The following MAN2A1 variants were observed in gnomAD, a reference collection of about 807,000 sequenced individuals.
MAN2A1 encodes the protein alpha-mannosidase 2.
In MAN2A1, 76 loss-of-function variants were observed where a neutral mutation model predicts 142.6. That is an observed-to-expected ratio of 0.53 (90% confidence interval 0.44 to 0.65). The LOEUF is 0.65. MAN2A1 is among the 30% of genes least tolerant of loss of function. The pLI is 0.00. For synonymous variants in MAN2A1, 559 were observed against 473.2 expected, an observed-to-expected ratio of 1.18 and a Z score of -2.35; for missense variants, 1,311 against 1,365.1, an observed-to-expected ratio of 0.96 and a Z score of 0.62.
chr5:109,763,212 T>TG (rs908198239), intron 5 of MAN2A1, among the ~76,000 whole-genome samples: 78 of 152,310 alleles, frequency 5.1e-4, no homozygotes, highest in African/African-American at 1.7e-3. Context: ...TGTGGTCTTT[T>TG]GGGGTGTACT....
chr5:109,800,379 T>TAAGACCAACAAGA (rs1753988794), intron 12 of MAN2A1, among the ~76,000 whole-genome samples: 1 of 152,178 alleles, frequency 6.6e-6, no homozygotes, highest in Non-Finnish European at 1.5e-5. Flanking sequence ...GGGTTGGTCT[T>TAAGACCAACAAGA]GTTCATTATT....
At chr5:109,809,356 C>A (rs1464536640) in intron 12 of MAN2A1, among the ~76,000 whole-genome samples, 1 of 152,030 alleles carries the variant, frequency 6.6e-6, no homozygotes, top group African/African-American at 2.4e-5. Flanking sequence ...TTGTGCTCTT[C>A]ATTTTTCCCT....
chr5:109,726,582 G>A (rs1462185373), intron 3 of MAN2A1, among the ~76,000 whole-genome samples: 1 of 152,146 alleles, frequency 6.6e-6, no homozygotes, highest in Admixed American at 6.5e-5. Flanking sequence ...GGTGAATGAA[G>A]TGTTGAAGGC....
At chr5:109,849,465 C>A (rs191947166) in intron 19 of MAN2A1, among the ~76,000 whole-genome samples, 1 of 152,346 alleles carries the variant, frequency 6.6e-6, no homozygotes. Flanking sequence ...GCCATCCATA[C>A]AACTCCAAGA....
chr5:109,839,396 A>G (rs1050633749), intron 16 of MAN2A1, among the ~76,000 whole-genome samples: 58 of 152,004 alleles, frequency 3.8e-4, no homozygotes, highest in African/African-American at 1.3e-3. Flanking sequence ...CAACTTCCCA[A>G]TAGTGGTGGA....
At chr5:109,840,962 C>T (rs552317897) in intron 16 of MAN2A1, among the ~76,000 whole-genome samples, 5 of 152,286 alleles carry the variant, frequency 3.3e-5, no homozygotes, top group African/African-American at 1.2e-4. Context: ...TCTGGGGATT[C>T]TACTTGTGTC....
intron 13 of MAN2A1, 38 bp downstream of exon 13, chr5:109,817,476 A>G: frequency 6.3e-7 from 1 of 1,597,126 alleles, no homozygotes; most frequent in Non-Finnish European, 8.6e-7. Flanking sequence ...GGCATTGTAA[A>G]ACAAACCTAG....
intron 1 of MAN2A1, among the ~76,000 whole-genome samples, chr5:109,712,827 G>C (rs1751340170): frequency 6.6e-6 from 1 of 152,180 alleles, no homozygotes; most frequent in Non-Finnish European, 1.5e-5. Flanking sequence ...GGATATAGGG[G>C]TGAACAAGGT....
intron 4 of MAN2A1, among the ~76,000 whole-genome samples, chr5:109,735,899 TC>T (rs1554074543): frequency 6.7e-6 from 1 of 148,500 alleles, no homozygotes; most frequent in African/African-American, 2.5e-5. Context: ...TTTTTTTTTT[TC>T]CCTCTTGATA....
At chr5:109,853,098 C>G (rs762293529) in intron 19 of MAN2A1, among the ~76,000 whole-genome samples, 1 of 152,122 alleles carries the variant, frequency 6.6e-6, no homozygotes, top group Non-Finnish European at 1.5e-5. Flanking sequence ...GACATTGTTT[C>G]CTTTTAGAAG....
intron 4 of MAN2A1, among the ~76,000 whole-genome samples, chr5:109,736,713 T>C (rs911563516): frequency 6.6e-6 from 1 of 152,192 alleles, no homozygotes; most frequent in Non-Finnish European, 1.5e-5. Context: ...TTTGATTTAC[T>C]TAATTTTGTT....
intron 17 of MAN2A1, among the ~76,000 whole-genome samples, chr5:109,843,501 A>G (rs1246034241): frequency 1.3e-5 from 2 of 152,162 alleles, no homozygotes; most frequent in East Asian, 1.9e-4. Flanking sequence ...ATCCATACCT[A>G]TTAAGTTTGT....
At chr5:109,713,227 A>G (rs1487983239) in intron 1 of MAN2A1, among the ~76,000 whole-genome samples, 1 of 152,170 alleles carries the variant, frequency 6.6e-6, no homozygotes, top group Non-Finnish European at 1.5e-5. Context: ...ATATTTTAGG[A>G]CTGAGTTTGG....
intron 15 of MAN2A1, among the ~76,000 whole-genome samples, chr5:109,823,421 A>G (rs548688904): frequency 2.0e-5 from 3 of 152,192 alleles, no homozygotes; most frequent in Admixed American, 6.5e-5. Context: ...GCTGTTTCTA[A>G]TAAGTAACTA....
chr5:109,782,457 C>T (rs1403460993), intron 9 of MAN2A1, among the ~76,000 whole-genome samples: 1 of 152,144 alleles, frequency 6.6e-6, no homozygotes, highest in Non-Finnish European at 1.5e-5. Context: ...AAGTAACTAA[C>T]GGAGGCTGGT....
At chr5:109,730,790 C>T (rs1428517290) in intron 4 of MAN2A1, among the ~76,000 whole-genome samples, 3 of 152,164 alleles carry the variant, frequency 2.0e-5, no homozygotes, top group Non-Finnish European at 2.9e-5. Context: ...GACACTGAGT[C>T]GTCCAGGATC....
chr5:109,825,680 TA>T (rs1423288985), intron 16 of MAN2A1, among the ~76,000 whole-genome samples: 1 of 152,090 alleles, frequency 6.6e-6, no homozygotes, highest in Non-Finnish European at 1.5e-5. Flanking sequence ...TCATCAGAAC[TA>T]AATGCTTGTC....
chr5:109,836,020 T>C (rs1249976776), intron 16 of MAN2A1, among the ~76,000 whole-genome samples: 1 of 152,138 alleles, frequency 6.6e-6, no homozygotes. Context: ...TACACCCTCA[T>C]GGATGTTTCT....
chr5:109,702,219 G>A (rs1226083965), intron 1 of MAN2A1, among the ~76,000 whole-genome samples: 1 of 152,134 alleles, frequency 6.6e-6, no homozygotes, highest in East Asian at 1.9e-4. Context: ...GGATTTCAAA[G>A]AAGCGTTTTA....
Sources: allele counts gnomAD v4.1 joint callset (sites outside exome capture counted in the v4.1 genomes callset), GRCh38; gene constraint gnomAD v4.1.1; transcripts MANE v1.5; gene names NCBI Gene and HGNC (gene_info 2026-07-23, HGNC 2026-07-21).